Variants in KCTD8 observed in about 807,000 individuals in gnomAD.
KCTD8 encodes the protein BTB/POZ domain-containing protein KCTD8.
In KCTD8, 27 loss-of-function variants were observed where a neutral mutation model predicts 31.5. The observed-to-expected ratio is 0.86, with a 90% CI of 0.63 to 1.18. The LOEUF (loss-of-function observed/expected upper bound fraction) is 1.18. Among genes scored for constraint, KCTD8 ranks in the 50% most tolerant of loss-of-function variants. The probability of loss-of-function intolerance (pLI) is 0.00; values close to 1 mark genes in which losing one functional copy is unlikely to be tolerated. For synonymous variants in KCTD8, 290 were observed against 280.0 expected (o/e 1.04, Z -0.36); for missense variants, 658 against 647.7 (o/e 1.02, Z -0.17).
chr4:44,262,364 A>G (rs540170685), intron 1 of KCTD8, among the ~76,000 whole-genome samples: 9 of 152,024 alleles, frequency 5.9e-5, no homozygotes, highest in South Asian at 4.2e-4. Context: ...TACTCTCTCC[A>G]TGGTAATGAT....
intron 1 of KCTD8, among the ~76,000 whole-genome samples, chr4:44,255,008 A>G (rs1481950638): frequency 5.3e-5 from 8 of 151,846 alleles, no homozygotes; most frequent in Non-Finnish European, 1.2e-4. Context: ...CCCCAGAAAT[A>G]ATTTTCTTAT....
chr4:44,443,953 A>C (rs1721872570), intron 1 of KCTD8, among the ~76,000 whole-genome samples: 1 of 152,122 alleles, frequency 6.6e-6, no homozygotes, highest in South Asian at 2.1e-4. Flanking sequence ...ACAATAAATC[A>C]CTGTTTTTCC....
intron 1 of KCTD8, among the ~76,000 whole-genome samples, chr4:44,186,178 G>C (rs775452315): frequency 2.0e-5 from 3 of 152,188 alleles, no homozygotes; most frequent in Non-Finnish European, 4.4e-5. Context: ...CACAGGTGGC[G>C]AGGAGCGAAA....
At chr4:44,366,708 T>C (rs1719649217) in intron 1 of KCTD8, among the ~76,000 whole-genome samples, 1 of 152,154 alleles carries the variant, frequency 6.6e-6, no homozygotes, top group Admixed American at 6.5e-5. Flanking sequence ...CCACAGTTCC[T>C]TGTAGTAGGA....
intron 1 of KCTD8, among the ~76,000 whole-genome samples, chr4:44,423,480 G>C (rs1721272852): frequency 1.3e-5 from 2 of 152,068 alleles, no homozygotes; most frequent in South Asian, 4.1e-4. Context: ...ACACAGCTGT[G>C]ATTCCAGAAA....
intron 1 of KCTD8, among the ~76,000 whole-genome samples, chr4:44,424,875 C>T (rs1721307416): frequency 6.6e-6 from 1 of 151,974 alleles, no homozygotes; most frequent in Non-Finnish European, 1.5e-5. Context: ...CTAACCCTCC[C>T]AAATTCATCT....
At chr4:44,281,264 G>A (rs545816257) in intron 1 of KCTD8, among the ~76,000 whole-genome samples, 4 of 152,028 alleles carry the variant, frequency 2.6e-5, no homozygotes, top group African/African-American at 9.7e-5. Context: ...CACATTCCTG[G>A]TTGTTGAGTC....
intron 1 of KCTD8, among the ~76,000 whole-genome samples, chr4:44,319,398 G>A (rs1200187420): frequency 6.6e-6 from 1 of 151,660 alleles, no homozygotes; most frequent in African/African-American, 2.4e-5. Context: ...AGCGAAGGAA[G>A]CAGAATTAAA....
At chr4:44,224,128 A>G (rs1714882429) in intron 1 of KCTD8, among the ~76,000 whole-genome samples, 1 of 152,226 alleles carries the variant, frequency 6.6e-6, no homozygotes, top group Non-Finnish European at 1.5e-5. Context: ...TTAAATAAAT[A>G]TTAAAAATCA....
chr4:44,245,738 T>C (rs1715645039), intron 1 of KCTD8, among the ~76,000 whole-genome samples: 1 of 151,930 alleles, frequency 6.6e-6, no homozygotes, highest in African/African-American at 2.4e-5. Context: ...AGCATTTTTT[T>C]CCTATCAAGC....
chr4:44,403,427 T>A (rs1720711768), intron 1 of KCTD8, among the ~76,000 whole-genome samples: 1 of 144,046 alleles, frequency 6.9e-6, no homozygotes. Context: ...GGGCTACCAT[T>A]AAAAAAAAAA....
chr4:44,326,571 T>C lies in KCTD8; in HGVS notation c.961+120992A>G, dbSNP rs1382356669. 2.6e-5 allele frequency among the ~76,000 whole-genome samples: 4 copies of C among 151,860 alleles called. No individual in the cohort carries two copies. The East Asian group carries it at 5.8e-4, about 22-fold the overall frequency. On this transcript the variant is annotated intron_variant, in intron 1 of 1. Transcript: ENST00000360029. ...GCCTAAACAATTTAAAGTTTAAGCA[T>C]TATTTTACTTTCACATTTTTGCTCC...
At chr4:44,313,340 G>C (rs999030302) in intron 1 of KCTD8, among the ~76,000 whole-genome samples, 2 of 152,190 alleles carry the variant, frequency 1.3e-5, no homozygotes, top group Non-Finnish European at 2.9e-5. Flanking sequence ...GCAGGTCGTA[G>C]TGAAGATAAT....
intron 1 of KCTD8, among the ~76,000 whole-genome samples, chr4:44,357,040 C>T (rs1719360645): frequency 6.6e-6 from 1 of 151,376 alleles, no homozygotes; most frequent in African/African-American, 2.4e-5. Flanking sequence ...TGCCATTTCC[C>T]ACAAAACTCT....
intron 1 of KCTD8, among the ~76,000 whole-genome samples, chr4:44,393,041 C>T (rs1267077374): frequency 1.3e-5 from 2 of 152,016 alleles, no homozygotes; most frequent in African/African-American, 2.4e-5. Flanking sequence ...GACACTGAAT[C>T]TCAATTCCTG....
At chr4:44,375,176 A>G (rs998012357) in intron 1 of KCTD8, among the ~76,000 whole-genome samples, 1 of 152,172 alleles carries the variant, frequency 6.6e-6, no homozygotes, top group African/African-American at 2.4e-5. Flanking sequence ...AAAGAGTCAG[A>G]CAATGTGGCC....
intron 1 of KCTD8, among the ~76,000 whole-genome samples, chr4:44,270,917 A>G (rs1469356347): frequency 2.0e-5 from 3 of 152,100 alleles, no homozygotes; most frequent in Non-Finnish European, 2.9e-5. Context: ...GTCCCTACCC[A>G]ACATTTTTTC....
chr4:44,269,051 A>G (rs928216321), intron 1 of KCTD8, among the ~76,000 whole-genome samples: 2 of 152,174 alleles, frequency 1.3e-5, no homozygotes, highest in African/African-American at 4.8e-5. Context: ...TTTAAAGTTC[A>G]TATGGAACCA....
chr4:44,286,059 A>T (rs1406659542), intron 1 of KCTD8, among the ~76,000 whole-genome samples: 1 of 152,138 alleles, frequency 6.6e-6, no homozygotes, highest in East Asian at 1.9e-4. Context: ...GTCACATCTC[A>T]GTCTCCTTTG....
Sources: gnomAD v4.1 joint callset for allele counts (sites outside exome capture counted in the v4.1 genomes callset) on GRCh38, gnomAD v4.1.1 for gene constraint, MANE v1.5 for transcripts, NCBI Gene and HGNC (gene_info 2026-07-23, HGNC 2026-07-21) for gene names.